The following PPM1L variants were observed in gnomAD, a reference collection of about 807,000 sequenced individuals.
The protein encoded by PPM1L is protein phosphatase, Mg2+/Mn2+ dependent 1L.
PPM1L carries 13 observed loss-of-function variants against 31.4 expected under a neutral mutation model. That is an observed-to-expected ratio of 0.41 (90% confidence interval 0.27 to 0.66). The LOEUF is 0.66. Among genes scored for constraint, PPM1L ranks in the 30% least tolerant of loss-of-function variants. PPM1L has a pLI of 0.29. For missense variants in PPM1L, 326 were observed against 453.7 expected (o/e 0.72, Z 2.56); for synonymous variants, 184 against 175.4 (o/e 1.05, Z -0.39).
intron 2 of PPM1L, among the ~76,000 whole-genome samples, chr3:161,020,200 A>G (rs1218510553): frequency 6.6e-6 from 1 of 152,162 alleles, no homozygotes. Flanking sequence ...ACTCTAATAT[A>G]TACTGGCATT....
chr3:160,783,580 A>C (rs1711810577), intron 1 of PPM1L, among the ~76,000 whole-genome samples: 1 of 149,502 alleles, frequency 6.7e-6, no homozygotes, highest in Non-Finnish European at 1.5e-5. Flanking sequence ...AGCCTGGGCA[A>C]CAAGAGCGAA....
At chr3:160,940,472 G>C (rs1467614050) in intron 1 of PPM1L, among the ~76,000 whole-genome samples, 2 of 152,126 alleles carry the variant, frequency 1.3e-5, no homozygotes, top group Non-Finnish European at 2.9e-5. Context: ...CTGGGCGCAG[G>C]GTCCCTGTGC....
intron 1 of PPM1L, among the ~76,000 whole-genome samples, chr3:160,797,262 T>C (rs959440556): frequency 2.6e-5 from 4 of 152,154 alleles, no homozygotes; most frequent in African/African-American, 9.7e-5. Context: ...ATACTTGATG[T>C]TACTATTGTT....
At chr3:161,065,824 T>C (rs1719722271) in intron 3 of PPM1L, among the ~76,000 whole-genome samples, 1 of 152,230 alleles carries the variant, frequency 6.6e-6, no homozygotes. Flanking sequence ...CCCCGGGTTC[T>C]CACTTTTCTC....
At chr3:160,955,969 G>A (rs1715763341) in intron 1 of PPM1L, among the ~76,000 whole-genome samples, 1 of 152,070 alleles carries the variant, frequency 6.6e-6, no homozygotes, top group Non-Finnish European at 1.5e-5. Flanking sequence ...TTCTTTTTAA[G>A]ATGAATTGTG....
intron 2 of PPM1L, among the ~76,000 whole-genome samples, chr3:161,034,144 A>G (rs1213490966): frequency 6.6e-6 from 1 of 152,244 alleles, no homozygotes; most frequent in Non-Finnish European, 1.5e-5. Flanking sequence ...CCACAATGAG[A>G]TACTATCTCA....
intron 2 of PPM1L, among the ~76,000 whole-genome samples, chr3:160,965,723 C>T (rs951975025): frequency 2.0e-5 from 3 of 152,058 alleles, no homozygotes; most frequent in African/African-American, 7.2e-5. Context: ...TCTTTCTATT[C>T]TATCTTAGTT....
intron 2 of PPM1L, among the ~76,000 whole-genome samples, chr3:160,976,024 T>A (rs1282927731): frequency 7.2e-6 from 1 of 138,112 alleles, no homozygotes; most frequent in Non-Finnish European, 1.5e-5. Context: ...CATAGATAGC[T>A]CTTATTATTT....
chr3:161,029,898 A>G (rs1292232122), intron 2 of PPM1L, among the ~76,000 whole-genome samples: 1 of 152,172 alleles, frequency 6.6e-6, no homozygotes, highest in Non-Finnish European at 1.5e-5. Flanking sequence ...TATTCCTGAT[A>G]TCAGAACAAC....
intron 2 of PPM1L, among the ~76,000 whole-genome samples, chr3:161,045,803 C>T (rs1390229951): frequency 6.6e-6 from 1 of 151,936 alleles, no homozygotes; most frequent in Non-Finnish European, 1.5e-5. Flanking sequence ...GATAGAGACA[C>T]AAAAAACCCT....
In PPM1L at chr3:160,866,273, A is replaced by G. The variant is rs1054009938; in HGVS notation, c.400-95463A>G. Among the ~76,000 whole-genome samples the G allele has an allele frequency of 4.6e-5, 7 of 152,346 alleles. No homozygotes were observed. In the East Asian group the frequency reaches 1.4e-3, roughly 29 times the overall value. ...TACAGACACACTTTCAACTTTTAAT[A>G]TTAATGGGGTGGTTTCACTTTATTC... On this transcript the variant is annotated intron_variant, in intron 1 of 3. Coordinates refer to ENST00000498165, the MANE Select transcript of PPM1L (RefSeq NM_139245.4).
intron 1 of PPM1L, among the ~76,000 whole-genome samples, chr3:160,839,640 G>A (rs1395896159): frequency 2.0e-5 from 3 of 152,202 alleles, no homozygotes; most frequent in Non-Finnish European, 4.4e-5. Context: ...AGGTCCTGCA[G>A]TTTAGAATAT....
intron 1 of PPM1L, among the ~76,000 whole-genome samples, chr3:160,874,391 A>C (rs916508852): frequency 6.6e-6 from 1 of 152,100 alleles, no homozygotes; most frequent in Non-Finnish European, 1.5e-5. Flanking sequence ...ATTCTAGCTC[A>C]CTTCCAGGTC....
chr3:160,770,894 G>A (rs1018899243), intron 1 of PPM1L, among the ~76,000 whole-genome samples: 1 of 152,104 alleles, frequency 6.6e-6, no homozygotes, highest in African/African-American at 2.4e-5. Context: ...GGCTGCTTGC[G>A]GAGGAGTCTC....
In PPM1L at chr3:160,979,728, A is replaced by G. The variant is rs1196145188; in HGVS notation, c.574+17818A>G. Among the ~76,000 whole-genome samples, 3 of 152,064 alleles carry G rather than the reference A, an allele frequency of 2.0e-5. No individual in the cohort carries two copies. In the East Asian group the frequency reaches 5.8e-4, roughly 29 times the overall value. Reference sequence around the variant, plus strand: ...TCTGAATTTTTAACTTTGTCCATGTATTTTGTATTTCTTAAAATTTATAAA... The same window carrying G: ...TCTGAATTTTTAACTTTGTCCATGTGTTTTGTATTTCTTAAAATTTATAAA... On this transcript the variant is annotated intron_variant, in intron 2 of 3. Coordinates refer to ENST00000498165, the MANE Select transcript of PPM1L (RefSeq NM_139245.4).
rs561227727 is a variant in PPM1L, at chr3:160,844,108, C to T, written c.399+87401C>T. 2.0e-5 allele frequency among the ~76,000 whole-genome samples: 3 copies of T among 152,304 alleles called. No individual in the cohort carries two copies. The South Asian group carries it at 6.2e-4, about 32-fold the overall frequency. Reference sequence around the variant, plus strand: ...AGAAAAACCTGTTTTAAAATTCTCCCTCTGCCACTCACCACTTAGGTGATC... The same window carrying T: ...AGAAAAACCTGTTTTAAAATTCTCCTTCTGCCACTCACCACTTAGGTGATC... On this transcript the variant is annotated intron_variant, in intron 1 of 3. Transcript: ENST00000498165.
At chr3:160,996,014 A>G (rs1306104978) in intron 2 of PPM1L, among the ~76,000 whole-genome samples, 4 of 152,220 alleles carry the variant, frequency 2.6e-5, no homozygotes, top group Non-Finnish European at 5.9e-5. Flanking sequence ...AAGATATACA[A>G]ATAGCCAACA....
intron 1 of PPM1L, among the ~76,000 whole-genome samples, chr3:160,791,867 G>A (rs930854284): frequency 3.9e-5 from 6 of 152,132 alleles, no homozygotes; most frequent in South Asian, 2.1e-4. Flanking sequence ...GCAGAGGGAC[G>A]CTACTGCAAA....
At chr3:160,770,968 T>G (rs1034806020) in intron 1 of PPM1L, among the ~76,000 whole-genome samples, 4 of 152,156 alleles carry the variant, frequency 2.6e-5, no homozygotes, top group Admixed American at 1.3e-4. Context: ...TCAAAATCTC[T>G]CTTGAAAGAT....
Sources: gnomAD v4.1 joint callset for allele counts (sites outside exome capture counted in the v4.1 genomes callset) on GRCh38, gnomAD v4.1.1 for gene constraint, MANE v1.5 for transcripts, NCBI Gene and HGNC (gene_info 2026-07-23, HGNC 2026-07-21) for gene names.